The following CSMD3 variants were observed in gnomAD, a reference collection of about 807,000 sequenced individuals.
CSMD3 encodes the protein CUB and sushi domain-containing protein 3.
CSMD3 carries 177 observed loss-of-function variants against 435.2 expected under a neutral mutation model. That is an observed-to-expected ratio of 0.41 (90% CI 0.36 to 0.46). The LOEUF (loss-of-function observed/expected upper bound fraction) is 0.46. Ranked by LOEUF, CSMD3 falls within the 20% of genes least tolerant of loss-of-function variation. The pLI is 0.34. For synonymous variants in CSMD3, 1,656 were observed against 1,520.5 expected, an observed-to-expected ratio of 1.09 and a Z score of -2.07; for missense variants, 4,265 against 4,504.6, an observed-to-expected ratio of 0.95 and a Z score of 1.52.
Position 112,314,414 on chromosome 8 carries a change from A to G in CSMD3, c.7549+15T>C. Reference sequence around the variant, plus strand: ...CTTAATTGATGAATATCCAATAAATATAACCCTTGGTTACCATCATACACC... The same window carrying G: ...CTTAATTGATGAATATCCAATAAATGTAACCCTTGGTTACCATCATACACC... On this transcript the variant is annotated intron_variant, in intron 48 of 70. Transcript: ENST00000297405. The G allele has an allele frequency of 6.5e-7, 1 of 1,549,388 alleles. No homozygotes were observed. Among genetic ancestry groups the G allele is most frequent in the Non-Finnish European group, 8.9e-7 (1 of 1,121,636 alleles).
intron 4 of CSMD3, among the ~76,000 whole-genome samples, chr8:113,140,924 A>C (rs2091533389): frequency 6.6e-6 from 1 of 151,102 alleles, no homozygotes; most frequent in Non-Finnish European, 1.5e-5. Context: ...TTAAAAACAG[A>C]AAATCAATAA....
chr8:113,168,519 CAAAAAAAAAAAAAA>C (rs71281204), intron 4 of CSMD3, among the ~76,000 whole-genome samples: 3 of 17,018 alleles, frequency 1.8e-4, no homozygotes, highest in Non-Finnish European at 2.2e-4. Context: ...GACTCTGTCT[CAAAAAAAAAAAAAA>C]AAAAAAAAAA....
intron 32 of CSMD3, among the ~76,000 whole-genome samples, chr8:112,411,187 T>C (rs1174663068): frequency 2.0e-5 from 3 of 151,424 alleles, no homozygotes; most frequent in Admixed American, 6.6e-5. Context: ...ATAAAACAGT[T>C]TTGCATTACC....
chr8:112,739,128 G>T (rs1587132467), intron 13 of CSMD3, among the ~76,000 whole-genome samples: 1 of 151,532 alleles, frequency 6.6e-6, no homozygotes, highest in South Asian at 2.1e-4. Context: ...AGGGCGAAAG[G>T]TTAACATAAT....
chr8:112,329,249 C>T (rs1483823087), intron 45 of CSMD3, among the ~76,000 whole-genome samples: 1 of 152,058 alleles, frequency 6.6e-6, no homozygotes, highest in Non-Finnish European at 1.5e-5. Flanking sequence ...TAAACAGTTT[C>T]CCAGAAGACA....
intron 27 of CSMD3, among the ~76,000 whole-genome samples, chr8:112,535,468 T>G (rs561698637): frequency 1.3e-4 from 20 of 151,304 alleles, no homozygotes; most frequent in Non-Finnish European, 2.7e-4. Flanking sequence ...TTACAAGGGA[T>G]GTGAAGGACC....
intron 5 of CSMD3, among the ~76,000 whole-genome samples, chr8:113,020,034 G>C (rs868315787): frequency 6.7e-6 from 1 of 150,228 alleles, no homozygotes; most frequent in South Asian, 2.1e-4. Flanking sequence ...GCGGTGGCGG[G>C]CGCCTGTAGT....
At chr8:112,571,873 TAA>T (rs546114366) in intron 24 of CSMD3, among the ~76,000 whole-genome samples, 35 of 92,792 alleles carry the variant, frequency 3.8e-4, no homozygotes, top group African/African-American at 1.2e-3. Flanking sequence ...CTGTCTCAAA[TAA>T]AAAAAAAAAA....
intron 12 of CSMD3, among the ~76,000 whole-genome samples, chr8:112,813,401 T>C (rs890864306): frequency 3.9e-5 from 6 of 152,184 alleles, no homozygotes; most frequent in African/African-American, 1.4e-4. Flanking sequence ...TTATCTACTT[T>C]ATGGCAACAG....
chr8:113,192,292 TC>T (rs1391727949), intron 3 of CSMD3, among the ~76,000 whole-genome samples: 1 of 151,760 alleles, frequency 6.6e-6, no homozygotes, highest in Admixed American at 6.6e-5. Flanking sequence ...AATCTATGTA[TC>T]TTCTTACAGT....
At chr8:112,558,290 C>T (rs1391330561) in intron 24 of CSMD3, among the ~76,000 whole-genome samples, 2 of 151,864 alleles carry the variant, frequency 1.3e-5, no homozygotes, top group Non-Finnish European at 2.9e-5. Flanking sequence ...TTTCTTCCTT[C>T]TCCCTTGAAA....
intron 4 of CSMD3, among the ~76,000 whole-genome samples, chr8:113,121,731 C>T (rs1240249914): frequency 2.6e-5 from 4 of 152,010 alleles, no homozygotes; most frequent in East Asian, 1.9e-4. Flanking sequence ...ACAGCATTCA[C>T]GTTCCACTTC....
At chr8:113,419,315 A>C (rs924142693) in intron 1 of CSMD3, among the ~76,000 whole-genome samples, 5 of 151,800 alleles carry the variant, frequency 3.3e-5, no homozygotes, top group Admixed American at 2.6e-4. Context: ...ACAGGCTTTC[A>C]CCATGTCGGC....
At chr8:112,763,876 A>G (rs189393541) in intron 13 of CSMD3, among the ~76,000 whole-genome samples, 9 of 151,376 alleles carry the variant, frequency 5.9e-5, no homozygotes, top group Admixed American at 3.3e-4. Context: ...TCCTAGCAAC[A>G]CATGAAATTC....
rs1313610995 is a variant in CSMD3, at chr8:113,391,528, AG to A, written c.178+45148del. ...TGCATAGCATTAAGAAATTATGGAAAGTTATACCTAGTTTTGGGGATGTTTT... is the reference window on the plus strand; with the variant it reads ...TGCATAGCATTAAGAAATTATGGAAATTATACCTAGTTTTGGGGATGTTTT... On this transcript the variant is annotated intron_variant, in intron 1 of 70. Coordinates refer to ENST00000297405, the MANE Select transcript of CSMD3 (RefSeq NM_198123.2). 1.1e-4 allele frequency among the ~76,000 whole-genome samples: 17 copies of A among 152,148 alleles called. No individual in the cohort carries two copies. In the East Asian group the frequency reaches 3.1e-3, roughly 28 times the overall value.
chr8:112,895,798 C>T (rs1057306786), intron 10 of CSMD3, among the ~76,000 whole-genome samples: 5 of 151,340 alleles, frequency 3.3e-5, no homozygotes, highest in East Asian at 2.0e-4. Context: ...CTTAGAAGAG[C>T]GGTCAAGGTT....
chr8:112,495,003 T>C (rs1356777380), intron 30 of CSMD3, among the ~76,000 whole-genome samples: 2 of 152,188 alleles, frequency 1.3e-5, no homozygotes, highest in African/African-American at 4.8e-5. Flanking sequence ...GTAAAAATTT[T>C]GTCCCAAACC....
chr8:112,334,747 AG>A lies in CSMD3; in HGVS notation c.7165+581del, dbSNP rs1365496196. 2.6e-5 allele frequency among the ~76,000 whole-genome samples: 4 copies of A among 152,328 alleles called. No homozygotes were observed. In the South Asian group the frequency reaches 8.3e-4, roughly 32 times the overall value. On this transcript the variant is annotated intron_variant, in intron 45 of 70. Coordinates refer to ENST00000297405, the MANE Select transcript of CSMD3 (RefSeq NM_198123.2). ...CAAAAAGTTAAGTTTATGAATACAGAGCCCAGAACAAAGGATCCTATACAAT... is the reference window on the plus strand; with the variant it reads ...CAAAAAGTTAAGTTTATGAATACAGACCCAGAACAAAGGATCCTATACAAT...
At chr8:113,424,442 C>T (rs1232426416) in intron 1 of CSMD3, among the ~76,000 whole-genome samples, 1 of 151,486 alleles carries the variant, frequency 6.6e-6, no homozygotes, top group Admixed American at 6.6e-5. Flanking sequence ...TTATATTTAG[C>T]TAATTTTCTT....
Sources: allele counts gnomAD v4.1 joint callset (sites outside exome capture counted in the v4.1 genomes callset), GRCh38; gene constraint gnomAD v4.1.1; transcripts MANE v1.5; gene names NCBI Gene and HGNC (gene_info 2026-07-23, HGNC 2026-07-21).